GRPR: variants seen among roughly 807,000 people sequenced by gnomAD.
GRPR encodes the protein gastrin releasing peptide receptor.
GRPR carries 4 observed loss-of-function variants against 15.6 expected under a neutral mutation model. The ratio of observed to expected loss-of-function variants is 0.26; its 90% confidence interval spans 0.13 to 0.59. GRPR has a LOEUF of 0.59. Among genes scored for constraint, GRPR ranks in the 20% least tolerant of loss-of-function variants. GRPR has a pLI of 0.90. For missense variants in GRPR, 270 were observed against 304.1 expected, an observed-to-expected ratio of 0.89 and a Z score of 0.83; for synonymous variants, 128 against 126.8, an observed-to-expected ratio of 1.01 and a Z score of -0.06.
At chrX:16,129,780 T>TC (rs1471122596) in intron 1 of GRPR, among the ~76,000 whole-genome samples, 3 of 111,542 alleles carry the variant, frequency 2.7e-5, no homozygotes, top group Non-Finnish European at 3.8e-5. Context: ...GGGGTCAGCT[T>TC]TCCAGGTCTC....
chrX:16,125,884 G>A (rs1309114516), intron 1 of GRPR, among the ~76,000 whole-genome samples: 1 of 111,652 alleles, frequency 9.0e-6, no homozygotes, highest in Non-Finnish European at 1.9e-5. Context: ...CTGGCAGAAG[G>A]GCTGTGGCTT....
intron 1 of GRPR, among the ~76,000 whole-genome samples, chrX:16,147,527 G>A (rs1922626238): frequency 9.0e-6 from 1 of 111,464 alleles, no homozygotes; most frequent in African/African-American, 3.3e-5. Flanking sequence ...TCAGAATTTG[G>A]CTGATTGTAT....
chrX:16,128,955 G>A (rs979872201), intron 1 of GRPR, among the ~76,000 whole-genome samples: 2 of 112,234 alleles, frequency 1.8e-5, no homozygotes, highest in African/African-American at 6.5e-5. Context: ...TTCTTTTCCA[G>A]TAAGTGTAAG....
chrX:16,145,565 T>C (rs1922592733), intron 1 of GRPR, among the ~76,000 whole-genome samples: 1 of 111,910 alleles, frequency 8.9e-6, no homozygotes, highest in East Asian at 2.8e-4. Context: ...AAAGAATGAA[T>C]AATAAAACCT....
intron 1 of GRPR, among the ~76,000 whole-genome samples, chrX:16,147,030 G>A (rs1256564172): frequency 9.0e-6 from 1 of 111,364 alleles, no homozygotes; most frequent in Non-Finnish European, 1.9e-5. Flanking sequence ...TTCTCTGCTT[G>A]GAAAAAGGCA....
intron 1 of GRPR, among the ~76,000 whole-genome samples, chrX:16,148,519 A>C (rs1368902144): frequency 1.8e-5 from 2 of 111,531 alleles, no homozygotes; most frequent in African/African-American, 6.5e-5. Context: ...AACAAGTGGA[A>C]ATAAGTATTC....
intron 1 of GRPR, among the ~76,000 whole-genome samples, chrX:16,142,864 A>G (rs1242641950): frequency 9.1e-6 from 1 of 110,024 alleles, no homozygotes; most frequent in East Asian, 2.9e-4. Flanking sequence ...TTGTGTTGCT[A>G]GCTGGAATAT....
chrX:16,140,251 T>C (rs1922511386), intron 1 of GRPR, among the ~76,000 whole-genome samples: 1 of 112,309 alleles, frequency 8.9e-6, no homozygotes, highest in South Asian at 3.7e-4. Flanking sequence ...CAGTGACTCA[T>C]ATGCCATGAT....
At chrX:16,139,455 T>C (rs934188887) in intron 1 of GRPR, among the ~76,000 whole-genome samples, 11 of 110,477 alleles carry the variant, frequency 1.0e-4, no homozygotes, top group African/African-American at 3.4e-4. Context: ...ATGAGATTTT[T>C]TTGAGATTTT....
intron 1 of GRPR, among the ~76,000 whole-genome samples, chrX:16,134,522 G>T (rs1045606365): frequency 8.9e-6 from 1 of 111,814 alleles, no homozygotes; most frequent in Non-Finnish European, 1.9e-5. Flanking sequence ...ATTAGGAAGT[G>T]GCATTACATC....
At chrX:16,137,775 G>A (rs909548442) in intron 1 of GRPR, among the ~76,000 whole-genome samples, 2 of 111,711 alleles carry the variant, frequency 1.8e-5, no homozygotes, top group African/African-American at 6.5e-5. Context: ...CATGGCAGGG[G>A]AGGAATGGGT....
In GRPR at chrX:16,152,529, C is replaced by G. The variant is rs199603772; in HGVS notation, c.1039C>G (p.Arg347Gly). ...CTGTTGCCAGCCTGGCCTGATCATCCGGTCTCACAGCACTGGAAGGAGTAC... is the reference window on the plus strand; with the variant it reads ...CTGTTGCCAGCCTGGCCTGATCATCGGGTCTCACAGCACTGGAAGGAGTAC... The part of the protein sequence containing the change: ...LLCCQPGLII[R>G]SHSTGRSTTC... The change falls in exon 3 of 3, where the codon CGG (arginine) becomes GGG (glycine). Residue 347 changes from arginine to glycine, a missense_variant. Physicochemically the swap from Arg to Gly is moderately radical, Grantham distance 125. Transcript: ENST00000380289. 6.6e-6 allele frequency: 8 copies of G among 1,209,414 alleles called. No homozygotes were observed. In the South Asian group the frequency reaches 1.4e-4, roughly 21 times the overall value.
At chrX:16,139,378 C>T (rs1922495895) in intron 1 of GRPR, among the ~76,000 whole-genome samples, 3 of 111,557 alleles carry the variant, frequency 2.7e-5, no homozygotes, top group African/African-American at 6.5e-5. Context: ...CCGCAGCCTG[C>T]GGACCACCTG....
chrX:16,149,942 T>C (rs1922668708), intron 1 of GRPR, among the ~76,000 whole-genome samples: 1 of 112,099 alleles, frequency 8.9e-6, no homozygotes, highest in Non-Finnish European at 1.9e-5. Flanking sequence ...CATTCCACAG[T>C]GTATACATAT....
chrX:16,152,015 C>A (rs1409928347), intron 2 of GRPR, among the ~76,000 whole-genome samples: 1 of 109,142 alleles, frequency 9.2e-6, no homozygotes, highest in African/African-American at 3.5e-5. Flanking sequence ...CTGGCTCATC[C>A]ATTTCTGTGT....
At chrX:16,133,357 T>C (rs1172152203) in intron 1 of GRPR, among the ~76,000 whole-genome samples, 1 of 111,938 alleles carries the variant, frequency 8.9e-6, no homozygotes, top group Non-Finnish European at 1.9e-5. Context: ...TGTGATTCTA[T>C]AGTTTAATTC....
chrX:16,126,001 CTCT>C (rs1922284817), intron 1 of GRPR, among the ~76,000 whole-genome samples: 1 of 111,283 alleles, frequency 9.0e-6, no homozygotes, highest in Admixed American at 9.6e-5. Context: ...GGTGTTTACT[CTCT>C]TCTTAGGGAG....
chrX:16,129,668 T>A (rs1388761441), intron 1 of GRPR, among the ~76,000 whole-genome samples: 1 of 111,532 alleles, frequency 9.0e-6, no homozygotes, highest in Admixed American at 9.5e-5. Flanking sequence ...CACACACAAG[T>A]GAAGAGGGAA....
At chrX:16,124,406 T>C in intron 1 of GRPR, 40 bp downstream of exon 1, 4 of 1,127,223 alleles carry the variant, frequency 3.5e-6, no homozygotes, top group Non-Finnish European at 4.9e-6. Flanking sequence ...CCAAGGGTGA[T>C]AGACGCCTGG....
Sources: gnomAD v4.1 joint callset for allele counts (sites outside exome capture counted in the v4.1 genomes callset) on GRCh38, gnomAD v4.1.1 for gene constraint, MANE v1.5 for transcripts, NCBI Gene and HGNC (gene_info 2026-07-23, HGNC 2026-07-21) for gene names.